Variants in ACBD6 observed in about 807,000 individuals in gnomAD.
ACBD6 encodes the protein acyl-CoA-binding domain-containing protein 6.
Under a neutral mutation model 37.2 loss-of-function variants are expected in ACBD6, and 28 were observed. The observed-to-expected ratio is 0.75, with a 90% CI of 0.56 to 1.03. The LOEUF is 1.03. Among genes scored for constraint, ACBD6 ranks in the 50% least tolerant of loss-of-function variants. The probability of loss-of-function intolerance (pLI) is 0.00; values close to 1 mark genes in which losing one functional copy is unlikely to be tolerated. For synonymous variants in ACBD6, 113 were observed against 126.8 expected (o/e 0.89, Z 0.73); for missense variants, 340 against 337.4 (o/e 1.01, Z -0.06).
intron 7 of ACBD6, among the ~76,000 whole-genome samples, chr1:180,290,365 G>C (rs746843153): frequency 6.6e-6 from 1 of 152,064 alleles, no homozygotes; most frequent in Non-Finnish European, 1.5e-5. Context: ...CTCTCACTTT[G>C]GGAGTCTCAC....
intron 6 of ACBD6, among the ~76,000 whole-genome samples, chr1:180,330,670 T>G (rs1297419138): frequency 6.6e-6 from 1 of 152,212 alleles, no homozygotes; most frequent in African/African-American, 2.4e-5. Flanking sequence ...TCATCCCTTT[T>G]AAGGCAACTG....
chr1:180,275,789 C>T (rs1462157000), intron 9 of ACBD6: 1 of 152,292 alleles, frequency 6.6e-6, no homozygotes, highest in Non-Finnish European at 1.5e-5. Flanking sequence ...GGCTGGACAC[C>T]TGCCATGCCT....
At chr1:180,383,250 T>C (rs1034292874) in intron 6 of ACBD6, among the ~76,000 whole-genome samples, 2 of 152,210 alleles carry the variant, frequency 1.3e-5, no homozygotes, top group African/African-American at 2.4e-5. Context: ...GAAGTCAAAC[T>C]GTCCTTCTTT....
chr1:180,424,175 T>C (rs1557864092), intron 4 of ACBD6, among the ~76,000 whole-genome samples: 1 of 152,146 alleles, frequency 6.6e-6, no homozygotes, highest in African/African-American at 2.4e-5. Context: ...TTACTAACTA[T>C]GTGACCCTGG....
chr1:180,363,454 T>C (rs1436833739), intron 6 of ACBD6, among the ~76,000 whole-genome samples: 1 of 152,236 alleles, frequency 6.6e-6, no homozygotes, highest in Non-Finnish European at 1.5e-5. Flanking sequence ...GTCAAAGCTT[T>C]CAGTGAGGCA....
At chr1:180,343,153 A>G (rs1256301695) in intron 6 of ACBD6, among the ~76,000 whole-genome samples, 1 of 152,164 alleles carries the variant, frequency 6.6e-6, no homozygotes, top group Non-Finnish European at 1.5e-5. Context: ...AAAATAAACA[A>G]AATTACATAA....
intron 5 of ACBD6, among the ~76,000 whole-genome samples, chr1:180,408,152 G>A (rs1647702274): frequency 6.6e-6 from 1 of 152,184 alleles, no homozygotes; most frequent in Non-Finnish European, 1.5e-5. Flanking sequence ...GTTTGTTGCT[G>A]TAAGCAACTG....
rs970259786 is a variant in ACBD6, at chr1:180,294,015, C to A, written c.695-5498G>T. Among the ~76,000 whole-genome samples the A allele has an allele frequency of 2.0e-5, 3 of 152,212 alleles. No homozygotes were observed. In the East Asian group the frequency reaches 5.8e-4, roughly 30 times the overall value. The stretch of plus-strand genomic sequence containing the variant: ...GTTCAAGTGATTCTCCTGCTTCAGG[C>A]TCCCGAGCAGCTGGGATTACAGGTG... On this transcript the variant is annotated intron_variant, in intron 7 of 7. Transcript: ENST00000367595.
At chr1:180,487,167 T>G (rs1651301499) in intron 3 of ACBD6, among the ~76,000 whole-genome samples, 1 of 152,182 alleles carries the variant, frequency 6.6e-6, no homozygotes, top group Non-Finnish European at 1.5e-5. Flanking sequence ...ATCATTATAA[T>G]GATAAATTTG....
intron 6 of ACBD6, among the ~76,000 whole-genome samples, chr1:180,389,325 A>G (rs1653975911): frequency 6.6e-6 from 1 of 152,230 alleles, no homozygotes; most frequent in South Asian, 2.1e-4. Flanking sequence ...TACAAAGAAC[A>G]TGAATTCATC....
intron 3 of ACBD6, among the ~76,000 whole-genome samples, chr1:180,468,397 A>G (rs1650433982): frequency 6.6e-6 from 1 of 152,176 alleles, no homozygotes; most frequent in Non-Finnish European, 1.5e-5. Context: ...GGAGGCTAAG[A>G]AGGCCGCTGG....
chr1:180,427,676 A>T (rs545598822), intron 4 of ACBD6, among the ~76,000 whole-genome samples: 2 of 152,264 alleles, frequency 1.3e-5, no homozygotes, highest in East Asian at 3.9e-4. Flanking sequence ...TAATCCCAGC[A>T]CTTTGGGGAG....
Position 180,450,070 on chromosome 1 carries a change from C to T in ACBD6, c.385-19808G>A, listed in dbSNP as rs770564851. On this transcript the variant is annotated intron_variant, in intron 3 of 7. Coordinates refer to ENST00000367595, the MANE Select transcript of ACBD6 (RefSeq NM_032360.4). ...GAATAAAATAAAATGAAATTTAATA[C>T]GGGTACACATAAAGTATTGAACTTA... Among the ~76,000 whole-genome samples, 3 of 149,642 alleles carry T rather than the reference C, an allele frequency of 2.0e-5. No homozygotes were observed. In the Admixed American group the frequency reaches 2.0e-4, roughly 10 times the overall value.
At chr1:180,467,266 C>T (rs1183728250) in intron 3 of ACBD6, among the ~76,000 whole-genome samples, 2 of 151,408 alleles carry the variant, frequency 1.3e-5, no homozygotes, top group South Asian at 2.1e-4. Context: ...CTTTTTCCAT[C>T]GTTTTATTGA....
At chr1:180,392,239 A>C (rs1011581334) in intron 6 of ACBD6, among the ~76,000 whole-genome samples, 1 of 145,012 alleles carries the variant, frequency 6.9e-6, no homozygotes, top group Admixed American at 7.1e-5. Flanking sequence ...TGGTAGTTAC[A>C]CAAGGGTATG....
At chr1:180,493,718 C>T (rs1251873810) in intron 2 of ACBD6, among the ~76,000 whole-genome samples, 1 of 152,086 alleles carries the variant, frequency 6.6e-6, no homozygotes, top group Non-Finnish European at 1.5e-5. Flanking sequence ...CTGATTGTCC[C>T]AATAATGTCC....
chr1:180,412,407 C>T (rs1252756775), intron 5 of ACBD6, among the ~76,000 whole-genome samples: 3 of 152,152 alleles, frequency 2.0e-5, no homozygotes, highest in Non-Finnish European at 2.9e-5. Flanking sequence ...ATGCTTTCTT[C>T]CTAACAATTA....
At chr1:180,274,526 T>C (rs1648908489) in intron 10 of ACBD6, 1 of 1,606,256 alleles carries the variant, frequency 6.2e-7, no homozygotes, top group Non-Finnish European at 8.5e-7. Flanking sequence ...CTATCCCGAC[T>C]TTCCAACTAG....
intron 6 of ACBD6, among the ~76,000 whole-genome samples, chr1:180,390,538 A>G (rs945672053): frequency 6.6e-6 from 1 of 152,128 alleles, no homozygotes; most frequent in Non-Finnish European, 1.5e-5. Context: ...AATTCTGTGA[A>G]GAAAGTCATT....
Sources: gnomAD v4.1 joint callset for allele counts (sites outside exome capture counted in the v4.1 genomes callset) on GRCh38, gnomAD v4.1.1 for gene constraint, MANE v1.5 for transcripts, NCBI Gene and HGNC (gene_info 2026-07-23, HGNC 2026-07-21) for gene names.